Variants in CDC40 observed in about 807,000 individuals in gnomAD.
CDC40 encodes cell division cycle 40, also known as pre-mRNA-processing factor 17.
Under a neutral mutation model 80.6 loss-of-function variants are expected in CDC40, and 27 were observed. That is an observed-to-expected ratio of 0.33 (90% CI 0.25 to 0.46). The LOEUF is 0.46. Ranked by LOEUF, CDC40 falls within the 20% of genes least tolerant of loss-of-function variation. The pLI is 1.00. For missense variants in CDC40, 486 were observed against 694.1 expected (o/e 0.70, Z 3.37); for synonymous variants, 221 against 232.6 (o/e 0.95, Z 0.45).
intron 3 of CDC40, 42 bp downstream of exon 3, chr6:110,201,729 T>G (rs761374683): frequency 1.0e-5 from 16 of 1,577,602 alleles, no homozygotes; most frequent in Non-Finnish European, 1.3e-5. Context: ...TTGGCTTTAT[T>G]AGAAGTGTGA....
intron 3 of CDC40, among the ~76,000 whole-genome samples, chr6:110,206,785 ATATC>A (rs1171663234): frequency 6.6e-6 from 1 of 152,204 alleles, no homozygotes; most frequent in Non-Finnish European, 1.5e-5. Context: ...TAGCCCTGCA[ATATC>A]TATTACCAAG....
At chr6:110,223,177 T>C (rs1219827553) in intron 12 of CDC40, among the ~76,000 whole-genome samples, 2 of 152,146 alleles carry the variant, frequency 1.3e-5, no homozygotes, top group Non-Finnish European at 2.9e-5. Flanking sequence ...CTTGAACTCC[T>C]GGGCTCAAGC....
chr6:110,215,043 A>G (rs1024433063), intron 8 of CDC40, among the ~76,000 whole-genome samples: 1 of 152,198 alleles, frequency 6.6e-6, no homozygotes, highest in African/African-American at 2.4e-5. Flanking sequence ...TGATGTAAAT[A>G]TCTTTAAAAC....
chr6:110,225,677 G>C (rs559590434), intron 12 of CDC40, among the ~76,000 whole-genome samples: 13 of 152,256 alleles, frequency 8.5e-5, no homozygotes, highest in African/African-American at 1.4e-4. Context: ...AGGCTAGCCA[G>C]TAAATAACAC....
intron 13 of CDC40, among the ~76,000 whole-genome samples, chr6:110,226,604 G>A (rs1392669471): frequency 2.0e-5 from 3 of 150,022 alleles, no homozygotes; most frequent in African/African-American, 7.4e-5. Context: ...TTCGAGACAG[G>A]GTCTCCCTTT....
At chr6:110,209,012 C>A in intron 4 of CDC40, 72 bp from the exon 5 acceptor site, 1 of 927,038 alleles carries the variant, frequency 1.1e-6, no homozygotes, top group Non-Finnish European at 1.6e-6. Context: ...AACATATGTT[C>A]ATATTTCTTT....
chr6:110,217,882 C>A, intron 10 of CDC40, 79 bp downstream of exon 10: 2 of 692,952 alleles, frequency 2.9e-6, no homozygotes, highest in Non-Finnish European at 5.1e-6. Context: ...TCTTTTGTGG[C>A]AAAATGGCAC....
Position 110,217,706 on chromosome 6 carries a change from C to T in CDC40, c.993C>T (p.His331=). The T allele has an allele frequency of 1.3e-6, 2 of 1,533,438 alleles. No homozygotes were observed. The highest frequency in any genetic ancestry group is 2.2e-5 in the East Asian group (1 of 44,464). The allele number at this position is 1,533,438 out of a possible 1,614,324, so 95.0% of individuals were successfully genotyped here. A position where few individuals can be genotyped will look rare whatever the true frequency, so the allele number is the denominator to read the frequency against. ...TTCTGTTGACTCCACCTTTAGGTCA[C>T]AGTAAGGCTGTTAGGGATATCTGCT... is the stretch of plus-strand genomic sequence containing the variant. ...ERRCLRTFIG[H]SKAVRDICFN... is the part of the protein sequence containing the mutation. Residue 331 remains histidine, a synonymous_variant, in exon 10 of 15, where the codon CAC becomes CAT. Coordinates refer to ENST00000307731, the MANE Select transcript of CDC40 (RefSeq NM_015891.3).
intron 1 of CDC40, among the ~76,000 whole-genome samples, chr6:110,192,779 C>T (rs1777368131): frequency 6.6e-6 from 1 of 152,082 alleles, no homozygotes; most frequent in Non-Finnish European, 1.5e-5. Context: ...GTTTCCTCTC[C>T]AGTACCCAAC....
At chr6:110,214,491 A>G (rs1247317147) in intron 8 of CDC40, among the ~76,000 whole-genome samples, 2 of 152,204 alleles carry the variant, frequency 1.3e-5, no homozygotes, top group African/African-American at 4.8e-5. Context: ...TGAAAAGAGA[A>G]TGGATCAGCA....
At chr6:110,211,511 A>G (rs1413073966) in intron 6 of CDC40, 1 of 152,186 alleles carries the variant, frequency 6.6e-6, no homozygotes, top group Non-Finnish European at 1.5e-5. Flanking sequence ...ATTTAGTACT[A>G]TGGTACTTAA....
chr6:110,220,635 T>TG (rs779554610), intron 12 of CDC40, among the ~76,000 whole-genome samples: 178 of 151,930 alleles, frequency 1.2e-3, no homozygotes, highest in Non-Finnish European at 2.1e-3. Flanking sequence ...TTAGTAGAGA[T>TG]GGGGTTTCAC....
Position 110,213,120 on chromosome 6 carries a change from G to C in CDC40, c.902G>C (p.Gly301Ala), listed in dbSNP as rs768991982. ...VSAVRLFPLS[G>A]HLLLSCSMDC... is the part of the protein sequence containing the mutation. ...GCAGTCAGATTGTTTCCTCTCTCTGGCCATTTATTGCTGTCTTGTTCCATG... is the reference window on the plus strand; with the variant it reads ...GCAGTCAGATTGTTTCCTCTCTCTGCCCATTTATTGCTGTCTTGTTCCATG... Residue 301 changes from glycine (G) to alanine (A), a missense_variant, in exon 8 of 15, where the codon GGC (glycine) becomes GCC (alanine). Physicochemically the swap from Gly to Ala is moderately conservative, Grantham distance 60 (BLOSUM62 0). Coordinates refer to ENST00000307731, the MANE Select transcript of CDC40 (RefSeq NM_015891.3). 2 of 1,611,948 alleles carry C rather than the reference G, an allele frequency of 1.2e-6. No homozygotes were observed. Among genetic ancestry groups the C allele is most frequent in the South Asian group, 2.2e-5 (2 of 91,044 alleles).
chr6:110,209,397 T>G (rs112756654), intron 5 of CDC40, 174 bp downstream of exon 5: 5 of 515,694 alleles, frequency 9.7e-6, no homozygotes, highest in Admixed American at 3.4e-5. Flanking sequence ...TTTGGGATAT[T>G]TTTATTTACC....
intron 12 of CDC40, among the ~76,000 whole-genome samples, chr6:110,222,587 A>C (rs1255810877): frequency 6.7e-6 from 1 of 150,342 alleles, no homozygotes; most frequent in Non-Finnish European, 1.5e-5. Flanking sequence ...ACAACAACAA[A>C]AAACAGTTTT....
intron 5 of CDC40, 97 bp from the exon 6 acceptor site, chr6:110,210,610 A>G (rs1281670721): frequency 1.4e-5 from 6 of 417,146 alleles, no homozygotes; most frequent in Non-Finnish European, 2.5e-5. Context: ...TACTCGGACC[A>G]GATATGTAGA....
chr6:110,219,664 C>T, intron 11 of CDC40, 72 bp from the exon 12 acceptor site: 1 of 1,518,904 alleles, frequency 6.6e-7, no homozygotes, highest in Non-Finnish European at 9.0e-7. Context: ...TCCTTCTCCA[C>T]TTTCCAGAAT....
intron 3 of CDC40, among the ~76,000 whole-genome samples, chr6:110,204,726 C>A (rs372207594): frequency 7.2e-6 from 1 of 138,994 alleles, no homozygotes; most frequent in Admixed American, 7.8e-5. Context: ...GTTGTGGGAT[C>A]TCTGCTCACT....
intron 1 of CDC40, among the ~76,000 whole-genome samples, chr6:110,182,953 T>C (rs1285682800): frequency 1.3e-5 from 2 of 152,204 alleles, no homozygotes; most frequent in Non-Finnish European, 2.9e-5. Context: ...AATGGGTGAT[T>C]TCTAAGTTTT....
Sources: gnomAD v4.1 joint callset for allele counts (sites outside exome capture counted in the v4.1 genomes callset) on GRCh38, gnomAD v4.1.1 for gene constraint, MANE v1.5 for transcripts, NCBI Gene and HGNC (gene_info 2026-07-23, HGNC 2026-07-21) for gene names.